Variants in CDH13 observed in about 807,000 individuals in gnomAD.
CDH13 encodes cadherin 13.
In CDH13, 24 loss-of-function variants were observed where a neutral mutation model predicts 63.8. That is an observed-to-expected ratio of 0.38 (90% confidence interval 0.27 to 0.53). The LOEUF (loss-of-function observed/expected upper bound fraction) is 0.53. Ranked by LOEUF, CDH13 falls within the 20% of genes least tolerant of loss-of-function variation. The pLI is 0.85. For missense variants in CDH13, 1,049 were observed against 903.1 expected (o/e 1.16, Z -2.07); for synonymous variants, 503 against 355.3 (o/e 1.42, Z -4.67).
chr16:83,114,928 T>C (rs1323809839), intron 3 of CDH13, among the ~76,000 whole-genome samples: 1 of 152,210 alleles, frequency 6.6e-6, no homozygotes, highest in Non-Finnish European at 1.5e-5. Context: ...ACGGAATAAA[T>C]TGGAGATTGG....
At chr16:83,132,219 C>CT (rs1002279800) in intron 4 of CDH13, among the ~76,000 whole-genome samples, 1 of 152,140 alleles carries the variant, frequency 6.6e-6, no homozygotes, top group Non-Finnish European at 1.5e-5. Context: ...CCCAGCACCT[C>CT]TCCATCACCC....
chr16:82,902,161 T>A (rs1047291512), intron 2 of CDH13, among the ~76,000 whole-genome samples: 2 of 152,164 alleles, frequency 1.3e-5, no homozygotes, highest in Admixed American at 1.3e-4. Context: ...TGTGAGGTGA[T>A]TTGTTAAAAG....
At chr16:83,373,852 A>G (rs976820118) in intron 6 of CDH13, among the ~76,000 whole-genome samples, 4 of 152,142 alleles carry the variant, frequency 2.6e-5, no homozygotes, top group Non-Finnish European at 4.4e-5. Context: ...CGTGAGTCCC[A>G]TAGAGAGCCT....
chr16:82,970,043 C>G lies in CDH13; in HGVS notation c.158-61967C>G, dbSNP rs557449503. Among the ~76,000 whole-genome samples, 307 of 152,076 alleles carry G rather than the reference C, an allele frequency of 2.0e-3. 2 individuals carry two copies. Among genetic ancestry groups the G allele is most frequent in the Middle Eastern group, 0.017 (5 of 294 alleles). ...ATGGTGGTTTGCTGCATCTGTCAAT[C>G]CGTCATCTACATTAGGTATTTCTCC... is the stretch of plus-strand genomic sequence containing the variant. On this transcript the variant is annotated intron_variant, in intron 2 of 13. Coordinates refer to ENST00000567109, the MANE Select transcript of CDH13 (RefSeq NM_001257.5).
At chr16:83,471,107 AG>A (rs2073441271) in intron 6 of CDH13, among the ~76,000 whole-genome samples, 1 of 151,816 alleles carries the variant, frequency 6.6e-6, no homozygotes, top group African/African-American at 2.4e-5. Context: ...CTCTCTTACA[AG>A]GACCTTGTTG....
At chr16:83,015,018 C>G (rs1033197696) in intron 2 of CDH13, among the ~76,000 whole-genome samples, 1 of 150,594 alleles carries the variant, frequency 6.6e-6, no homozygotes, top group Admixed American at 6.6e-5. Context: ...AATATGCAGT[C>G]ATAAAAAAGC....
chr16:82,945,346 A>G (rs1257139469), intron 2 of CDH13, among the ~76,000 whole-genome samples: 1 of 152,148 alleles, frequency 6.6e-6, no homozygotes, highest in Non-Finnish European at 1.5e-5. Flanking sequence ...TGGCTCTTGG[A>G]CCATAGTTGG....
At chr16:83,490,453 T>G (rs1165417389) in intron 7 of CDH13, among the ~76,000 whole-genome samples, 1 of 152,180 alleles carries the variant, frequency 6.6e-6, no homozygotes, top group Non-Finnish European at 1.5e-5. Context: ...TCCTTTCTTC[T>G]TCCCACCCTC....
At chr16:83,653,856 A>G (rs1392885604) in intron 8 of CDH13, among the ~76,000 whole-genome samples, 2 of 152,330 alleles carry the variant, frequency 1.3e-5, no homozygotes, top group Admixed American at 6.5e-5. Flanking sequence ...TGTGTCCGGC[A>G]TTAAGAAAGG....
chr16:83,059,355 C>G (rs2151519154), intron 3 of CDH13, among the ~76,000 whole-genome samples: 1 of 152,190 alleles, frequency 6.6e-6, no homozygotes, highest in Admixed American at 6.5e-5. Context: ...AGAACAAGTT[C>G]CTGTATGTGT....
At chr16:83,629,483 G>T (rs978097695) in intron 8 of CDH13, among the ~76,000 whole-genome samples, 1 of 152,050 alleles carries the variant, frequency 6.6e-6, no homozygotes, top group Non-Finnish European at 1.5e-5. Context: ...AAAACCCAGG[G>T]TTCTCCAAGG....
chr16:83,301,290 C>G (rs1022180891), intron 5 of CDH13, among the ~76,000 whole-genome samples: 1 of 152,084 alleles, frequency 6.6e-6, no homozygotes, highest in Non-Finnish European at 1.5e-5. Context: ...CTCAGCCTCC[C>G]AAAGTGCAGG....
chr16:83,429,085 A>G (rs1304474071), intron 6 of CDH13, among the ~76,000 whole-genome samples: 1 of 152,238 alleles, frequency 6.6e-6, no homozygotes, highest in Non-Finnish European at 1.5e-5. Context: ...CCTTTGAAAG[A>G]TGGCATTAAT....
intron 2 of CDH13, among the ~76,000 whole-genome samples, chr16:82,932,103 G>C (rs550975047): frequency 4.1e-4 from 62 of 152,238 alleles, no homozygotes; most frequent in African/African-American, 1.4e-3. Flanking sequence ...TGGATTTACT[G>C]GCTGAAGGAA....
intron 13 of CDH13, among the ~76,000 whole-genome samples, chr16:83,793,596 G>C (rs1277933659): frequency 6.6e-6 from 1 of 152,162 alleles, no homozygotes; most frequent in Non-Finnish European, 1.5e-5. Flanking sequence ...GATTGGCTGA[G>C]TAATGGCCCC....
intron 7 of CDH13, among the ~76,000 whole-genome samples, chr16:83,598,837 G>C (rs1360528940): frequency 6.6e-6 from 1 of 152,172 alleles, no homozygotes; most frequent in African/African-American, 2.4e-5. Context: ...ACTAGCTCCA[G>C]ATGGATGCCC....
intron 1 of CDH13, among the ~76,000 whole-genome samples, chr16:82,746,862 T>A (rs1011529532): frequency 2.0e-5 from 3 of 152,198 alleles, no homozygotes; most frequent in African/African-American, 2.4e-5. Context: ...CGATCACTTA[T>A]AATGTAACTC....
rs897318463 is a variant in CDH13, at chr16:83,271,429, A to T, written c.636+53932A>T. ...ACATTGAGGCAGAGTTCATAAAAAAAAAAAAAAAAAAAAAAAAAAAAAATT... is the reference window on the plus strand; with the variant it reads ...ACATTGAGGCAGAGTTCATAAAAAATAAAAAAAAAAAAAAAAAAAAAAATT... On this transcript the variant is annotated intron_variant, in intron 5 of 13. Transcript: ENST00000567109. Among the ~76,000 whole-genome samples the T allele has an allele frequency of 1.5e-4, 19 of 124,106 alleles. 1 individual carries two copies. Among genetic ancestry groups the T allele is most frequent in the East Asian group, 9.5e-4 (4 of 4,232 alleles). The allele number at this position is 124,106 out of a possible 152,430, so 81.4% of individuals were successfully genotyped here.
chr16:83,081,398 G>A (rs1480428846), intron 3 of CDH13, among the ~76,000 whole-genome samples: 2 of 152,182 alleles, frequency 1.3e-5, no homozygotes, highest in African/African-American at 4.8e-5. Context: ...GGGTGTTACT[G>A]CAGGGCCATC....
Sources: allele counts gnomAD v4.1 joint callset (sites outside exome capture counted in the v4.1 genomes callset), GRCh38; gene constraint gnomAD v4.1.1; transcripts MANE v1.5; gene names NCBI Gene and HGNC (gene_info 2026-07-23, HGNC 2026-07-21).